The following KIF16B variants were observed in gnomAD, a reference collection of about 807,000 sequenced individuals.
The protein encoded by KIF16B is kinesin-like protein KIF16B.
In KIF16B, 98 loss-of-function variants were observed where a neutral mutation model predicts 156.3. That is an observed-to-expected ratio of 0.63 (90% CI 0.53 to 0.74). The LOEUF is 0.74. Ranked by LOEUF, KIF16B falls within the 30% of genes least tolerant of loss-of-function variation. KIF16B has a pLI of 0.00. For synonymous variants in KIF16B, 564 were observed against 583.7 expected (o/e 0.97, Z 0.49); for missense variants, 1,421 against 1,606.5 (o/e 0.88, Z 1.97).
chr20:16,277,074 A>G (rs1354573887), intron 25 of KIF16B, among the ~76,000 whole-genome samples: 1 of 152,118 alleles, frequency 6.6e-6, no homozygotes, highest in Non-Finnish European at 1.5e-5. Context: ...AGCACCAGAG[A>G]TTCGAATTGC....
chr20:16,342,325 G>T (rs1004515873), intron 23 of KIF16B, among the ~76,000 whole-genome samples: 1 of 136,488 alleles, frequency 7.3e-6, no homozygotes, highest in African/African-American at 2.6e-5. Context: ...GGTGGGGTGG[G>T]TGGACTCTCA....
intron 12 of KIF16B, among the ~76,000 whole-genome samples, chr20:16,468,669 T>G (rs936944759): frequency 1.5e-5 from 2 of 135,132 alleles, no homozygotes; most frequent in East Asian, 2.2e-4. Flanking sequence ...GGCATAACAA[T>G]AGAGAGTAAA....
intron 25 of KIF16B, among the ~76,000 whole-genome samples, chr20:16,274,342 C>T (rs551177564): frequency 1.5e-4 from 23 of 152,224 alleles, no homozygotes; most frequent in African/African-American, 5.3e-4. Flanking sequence ...CATTATCTGC[C>T]GTTTTTGGCA....
intron 22 of KIF16B, among the ~76,000 whole-genome samples, chr20:16,364,806 T>G (rs185404494): frequency 1.3e-5 from 2 of 152,208 alleles, no homozygotes; most frequent in African/African-American, 2.4e-5. Flanking sequence ...ATGATCCTCA[T>G]TGTGGCCTTC....
At chr20:16,430,717 TC>T (rs1315688558) in intron 12 of KIF16B, among the ~76,000 whole-genome samples, 1 of 152,052 alleles carries the variant, frequency 6.6e-6, no homozygotes, top group Non-Finnish European at 1.5e-5. Context: ...CCTGATGGTC[TC>T]CTTCTGTCTC....
chr20:16,283,863 ACGG>A (rs2063183626), intron 25 of KIF16B, among the ~76,000 whole-genome samples: 1 of 152,050 alleles, frequency 6.6e-6, no homozygotes, highest in Non-Finnish European at 1.5e-5. Context: ...TTGGCCAAAT[ACGG>A]CATTCTGTAA....
chr20:16,292,948 A>T (rs374561034), intron 25 of KIF16B, among the ~76,000 whole-genome samples: 1 of 152,242 alleles, frequency 6.6e-6, no homozygotes. Context: ...AGTGCTTCTC[A>T]AATAATATGC....
chr20:16,362,570 A>G (rs1033192912), intron 22 of KIF16B, among the ~76,000 whole-genome samples: 12 of 152,254 alleles, frequency 7.9e-5, no homozygotes, highest in African/African-American at 2.9e-4. Flanking sequence ...CTATAAAAAA[A>G]TCAATAAAAA....
chr20:16,508,245 G>T, intron 6 of KIF16B, 145 bp from the exon 7 acceptor site: 1 of 902,656 alleles, frequency 1.1e-6, no homozygotes, highest in Non-Finnish European at 1.7e-6. Flanking sequence ...GTGGTGGTAT[G>T]TAATGCAGAC....
At chr20:16,555,865 G>A (rs1201251500) in intron 1 of KIF16B, among the ~76,000 whole-genome samples, 1 of 152,122 alleles carries the variant, frequency 6.6e-6, no homozygotes, top group Non-Finnish European at 1.5e-5. Flanking sequence ...TGAGCACTTA[G>A]GCTCTAGAGA....
chr20:16,392,510 C>T (rs908336404), intron 17 of KIF16B, among the ~76,000 whole-genome samples: 1 of 152,154 alleles, frequency 6.6e-6, no homozygotes, highest in Admixed American at 6.5e-5. Flanking sequence ...TAAAAGGCAC[C>T]GCAGTTCCTC....
chr20:16,514,371 T>A (rs2069062500), intron 4 of KIF16B, among the ~76,000 whole-genome samples: 1 of 152,002 alleles, frequency 6.6e-6, no homozygotes, highest in African/African-American at 2.4e-5. Context: ...AGAGCCTGGA[T>A]GTAAGCAGTG....
chr20:16,474,290 G>A (rs1342610629), intron 12 of KIF16B, among the ~76,000 whole-genome samples: 1 of 152,138 alleles, frequency 6.6e-6, no homozygotes, highest in East Asian at 1.9e-4. Flanking sequence ...TACTAGCTGT[G>A]TCAAGTTTCT....
chr20:16,504,423 C>T lies in KIF16B; in HGVS notation c.1125G>A (p.Glu375=). 6.2e-7 allele frequency: 1 copy of T among 1,614,160 alleles called. No homozygotes were observed. ...TCAGTCTGGCTATTTCAGCTCGCAG[C>T]TCACGGATAAGTTTGACGTTGGCAT... ...NEDANVKLIR[E]LRAEIARLKT... The change falls in exon 10 of 26, where the codon GAG becomes GAA. Residue 375 remains glutamate (E), a synonymous_variant. Transcript: ENST00000354981.
chr20:16,369,028 T>C (rs2064751095), intron 22 of KIF16B: 1 of 985,694 alleles, frequency 1.0e-6, no homozygotes, highest in African/African-American at 1.7e-5. Context: ...AGGATGACCA[T>C]ATTTGTTTTC....
At chr20:16,427,647 T>A (rs2066391261) in intron 14 of KIF16B, among the ~76,000 whole-genome samples, 1 of 151,824 alleles carries the variant, frequency 6.6e-6, no homozygotes, top group African/African-American at 2.4e-5. Context: ...GCTCCATGGG[T>A]CGAGGACTTA....
intron 25 of KIF16B, among the ~76,000 whole-genome samples, chr20:16,297,408 C>T (rs939302388): frequency 1.3e-5 from 2 of 152,128 alleles, no homozygotes; most frequent in Non-Finnish European, 2.9e-5. Context: ...AGATTAATGT[C>T]CAGGCCAGGC....
At chr20:16,463,477 GT>G (rs1467867670) in intron 12 of KIF16B, among the ~76,000 whole-genome samples, 1 of 152,142 alleles carries the variant, frequency 6.6e-6, no homozygotes, top group African/African-American at 2.4e-5. Context: ...GAAGTCCGAT[GT>G]TTTTTAACAA....
intron 1 of KIF16B, among the ~76,000 whole-genome samples, chr20:16,568,470 G>A (rs1278860258): frequency 6.6e-6 from 1 of 152,148 alleles, no homozygotes; most frequent in Non-Finnish European, 1.5e-5. Flanking sequence ...GCTCTGTGTG[G>A]AGAGCTTTAT....
Sources: allele counts gnomAD v4.1 joint callset (sites outside exome capture counted in the v4.1 genomes callset), GRCh38; gene constraint gnomAD v4.1.1; transcripts MANE v1.5; gene names NCBI Gene and HGNC (gene_info 2026-07-23, HGNC 2026-07-21).